The following ELP4 variants were observed in gnomAD, a reference collection of about 807,000 sequenced individuals.
The protein encoded by ELP4 is elongator acetyltransferase complex subunit 4, also known as elongator complex protein 4.
Under a neutral mutation model 48.9 loss-of-function variants are expected in ELP4, and 51 were observed. That is an observed-to-expected ratio of 1.04 (90% CI 0.83 to 1.32). The LOEUF (loss-of-function observed/expected upper bound fraction) is 1.32, where lower values mean the gene tolerates loss of function less well. Among genes scored for constraint, ELP4 ranks in the 40% most tolerant of loss-of-function variants. The pLI is 0.00. For missense variants in ELP4, 519 were observed against 514.6 expected (o/e 1.01, Z -0.08); for synonymous variants, 210 against 189.2 (o/e 1.11, Z -0.90).
intron 9 of ELP4, among the ~76,000 whole-genome samples, chr11:31,690,980 T>C (rs1446181053): frequency 3.9e-5 from 6 of 152,084 alleles, no homozygotes; most frequent in Non-Finnish European, 8.8e-5. Flanking sequence ...CATTAAAGAA[T>C]AGCTGCTTTT....
chr11:31,602,596 C>T (rs1269523227), intron 4 of ELP4, among the ~76,000 whole-genome samples: 1 of 151,866 alleles, frequency 6.6e-6, no homozygotes, highest in Non-Finnish European at 1.5e-5. Context: ...TTCTATTAGA[C>T]TTAAAAATTT....
intron 9 of ELP4, among the ~76,000 whole-genome samples, chr11:31,696,340 T>A (rs567538628): frequency 2.0e-5 from 3 of 152,308 alleles, no homozygotes; most frequent in African/African-American, 7.2e-5. Flanking sequence ...CTGCTTTAAA[T>A]GTGTCCCAGA....
intron 9 of ELP4, among the ~76,000 whole-genome samples, chr11:31,677,104 G>A (rs1266458036): frequency 6.6e-6 from 1 of 152,104 alleles, no homozygotes; most frequent in African/African-American, 2.4e-5. Context: ...AGTCTAATTG[G>A]CAATCATTGT....
intron 3 of ELP4, among the ~76,000 whole-genome samples, chr11:31,575,795 A>G (rs1203833732): frequency 6.6e-6 from 1 of 152,234 alleles, no homozygotes; most frequent in Non-Finnish European, 1.5e-5. Context: ...ATGAAGCACT[A>G]AACATGGAAA....
chr11:31,516,916 A>T (rs911133649), intron 1 of ELP4, among the ~76,000 whole-genome samples: 2 of 152,192 alleles, frequency 1.3e-5, no homozygotes, highest in African/African-American at 2.4e-5. Flanking sequence ...ACCTGTCTGA[A>T]TGTGAACTTA....
intron 3 of ELP4, among the ~76,000 whole-genome samples, chr11:31,556,028 C>G (rs1241707045): frequency 6.6e-6 from 1 of 151,854 alleles, no homozygotes; most frequent in Non-Finnish European, 1.5e-5. Context: ...AAAAGACAGT[C>G]TTATAGACCA....
chr11:31,567,349 A>G (rs916399105), intron 3 of ELP4, among the ~76,000 whole-genome samples: 16 of 152,244 alleles, frequency 1.1e-4, no homozygotes, highest in Admixed American at 6.5e-4. Flanking sequence ...TAGGATCAAT[A>G]GTAGTATCCT....
intron 5 of ELP4, among the ~76,000 whole-genome samples, chr11:31,608,544 G>A (rs1442691247): frequency 2.6e-5 from 4 of 151,348 alleles, no homozygotes; most frequent in African/African-American, 7.3e-5. Flanking sequence ...AAGGGGTGGT[G>A]GTGTTTCACA....
At chr11:31,517,504 A>G (rs189303189) in intron 1 of ELP4, among the ~76,000 whole-genome samples, 1 of 152,174 alleles carries the variant, frequency 6.6e-6, no homozygotes, top group East Asian at 1.9e-4. Context: ...CTGTATGACA[A>G]ATGTGACTAC....
Position 31,783,837 on chromosome 11 carries a change from G to T in ELP4, c.*313G>T, listed in dbSNP as rs558683934. 2.9e-4 allele frequency: 57 copies of T among 198,552 alleles called. No individual in the cohort carries two copies. Among genetic ancestry groups the T allele is most frequent in the Non-Finnish European group, 4.6e-4 (45 of 98,544 alleles). 12.3% of individuals were successfully genotyped at this position (198,552 alleles called of 1,614,324 possible). On this transcript the variant is annotated 3_prime_UTR_variant, in exon 10 of 10. Transcript: ENST00000640961. Reference sequence around the variant, plus strand: ...CTAAGGCATTTAGTGTCATGGTAAAGTGCATGTCACAGCAGGTAGCATACA... The same window carrying T: ...CTAAGGCATTTAGTGTCATGGTAAATTGCATGTCACAGCAGGTAGCATACA...
intron 7 of ELP4, among the ~76,000 whole-genome samples, chr11:31,643,938 T>G (rs930713962): frequency 4.6e-5 from 7 of 151,818 alleles, no homozygotes; most frequent in African/African-American, 7.2e-5. Context: ...AATGATTAAT[T>G]AAATTATGTT....
chr11:31,649,415 A>C (rs888414368), intron 8 of ELP4: 17 of 151,682 alleles, frequency 1.1e-4, no homozygotes, highest in African/African-American at 4.1e-4. Flanking sequence ...AAACTACATT[A>C]GGCTGCACAA....
intron 9 of ELP4, among the ~76,000 whole-genome samples, chr11:31,691,564 G>A (rs1371986761): frequency 6.6e-6 from 1 of 151,874 alleles, no homozygotes; most frequent in Non-Finnish European, 1.5e-5. Flanking sequence ...CATTTATAAA[G>A]CCTCAGTTTT....
rs972460808 is a variant in ELP4, at chr11:31,539,667, G to T, written c.265G>T (p.Asp89Tyr). The T allele has an allele frequency of 4.4e-6, 7 of 1,602,098 alleles. No individual in the cohort carries two copies. Among genetic ancestry groups the T allele is most frequent in the Non-Finnish European group, 6.0e-6 (7 of 1,174,952 alleles). Residue 89 changes from aspartate (D) to tyrosine (Y), a missense_variant, in exon 3 of 10, where the codon GAT (aspartate) becomes TAT (tyrosine). By Grantham distance (160) the Asp-to-Tyr change is radical. Transcript: ENST00000640961. Reference protein sequence around the residue: ...AVGTVLLIEEDKYNIYSPLLF... With the variant: ...AVGTVLLIEEYKYNIYSPLLF... ...GCAACTTTTCCTTTTTACAGAGGAG[G>T]ATAAATATAATATTTACTCACCTTT...
intron 7 of ELP4, among the ~76,000 whole-genome samples, chr11:31,635,312 G>T (rs1335222968): frequency 2.6e-5 from 4 of 151,878 alleles, no homozygotes; most frequent in Non-Finnish European, 5.9e-5. Context: ...ATTACTATGG[G>T]CCAGTTGCAG....
intron 5 of ELP4, among the ~76,000 whole-genome samples, chr11:31,620,175 C>G (rs1944590055): frequency 1.3e-5 from 2 of 151,992 alleles, no homozygotes; most frequent in South Asian, 4.1e-4. Context: ...AAGTTAAAGT[C>G]ATACCAGTCT....
At chr11:31,590,942 C>T (rs1014613361) in intron 3 of ELP4, among the ~76,000 whole-genome samples, 7 of 152,190 alleles carry the variant, frequency 4.6e-5, no homozygotes, top group Admixed American at 1.3e-4. Context: ...ATGGAGAATA[C>T]ATCCAAACTG....
At chr11:31,637,649 T>C (rs1945009483) in intron 7 of ELP4, among the ~76,000 whole-genome samples, 1 of 152,002 alleles carries the variant, frequency 6.6e-6, no homozygotes. Flanking sequence ...TTTAAAGCAG[T>C]TACAATAGGA....
chr11:31,614,844 A>G (rs1054097918), intron 5 of ELP4, among the ~76,000 whole-genome samples: 19 of 152,186 alleles, frequency 1.2e-4, no homozygotes, highest in Non-Finnish European at 1.2e-4. Flanking sequence ...AGATCATGAA[A>G]GTTAAGGTAA....
Sources: gnomAD v4.1 joint callset for allele counts (sites outside exome capture counted in the v4.1 genomes callset) on GRCh38, gnomAD v4.1.1 for gene constraint, MANE v1.5 for transcripts, NCBI Gene and HGNC (gene_info 2026-07-23, HGNC 2026-07-21) for gene names.